The following DCHS1 variants were observed in gnomAD, a reference collection of about 807,000 sequenced individuals.
The protein encoded by DCHS1 is dachsous cadherin-related 1.
DCHS1 carries 78 observed loss-of-function variants against 213.9 expected under a neutral mutation model. That is an observed-to-expected ratio of 0.36 (90% CI 0.30 to 0.44). DCHS1 has a LOEUF of 0.44. Ranked by LOEUF, DCHS1 falls within the 20% of genes least tolerant of loss-of-function variation. The pLI, the probability that DCHS1 is intolerant of heterozygous loss-of-function variation, is 1.00. For missense variants in DCHS1, 3,946 were observed against 4,395.9 expected, an observed-to-expected ratio of 0.90 and a Z score of 2.89; for synonymous variants, 1,828 against 1,873.7, an observed-to-expected ratio of 0.98 and a Z score of 0.63.
rs1856303174 is a variant in DCHS1, at chr11:6,655,537, C to T, written c.-121+26G>A. ...GGCGGGCAGGGCGGGCGCGGCCAGA[C>T]GGGCCGGGCGGGCGCGGGCACTGAC... On this transcript the variant is annotated intron_variant, in intron 1 of 20. Coordinates refer to ENST00000299441, the MANE Select transcript of DCHS1 (RefSeq NM_003737.4). 9.2e-6 allele frequency: 9 copies of T among 980,278 alleles called. No individual in the cohort carries two copies. The South Asian group carries it at 3.3e-4, about 36-fold the overall frequency. The allele number at this position is 980,278 out of a possible 1,614,324, so 60.7% of individuals were successfully genotyped here. A position where few individuals can be genotyped will look rare whatever the true frequency, so the allele number is the denominator to read the frequency against.
rs760344532 is a variant in DCHS1 at position 6,633,655 on chromosome 11, G to A, written c.2219-7C>T. On this transcript the variant is annotated splice_polypyrimidine_tract_variant and splice_region_variant and intron_variant, in intron 4 of 20. Coordinates refer to ENST00000299441, the MANE Select transcript of DCHS1 (RefSeq NM_003737.4). The stretch of plus-strand genomic sequence containing the variant: ...CAGGCTACTGTCAACAGCCCTGAGA[G>A]GAAGAATAGAAGCAGAGATATATAA... 2.5e-6 allele frequency: 4 copies of A among 1,604,894 alleles called. No homozygotes were observed. Among genetic ancestry groups the A allele is most frequent in the South Asian group, 1.1e-5 (1 of 90,138 alleles).
In DCHS1 at chr11:6,622,413, G is replaced by A. The variant is rs746573455; in HGVS notation, c.9263C>T (p.Thr3088Ile). Residue 3088 changes from threonine to isoleucine, a missense_variant, in exon 21 of 21, where the codon ACC (threonine) becomes ATC (isoleucine). Around this residue, in one of 3 missense-constraint regions of DCHS1, gnomAD observed 554 missense variants for 590.2 expected, o/e 0.94. Transcript: ENST00000299441. The surrounding 1 kb of genome is among the most constrained non-coding windows in gnomAD (Gnocchi z 5.4). The part of the protein sequence containing the change: ...DTSCEPPAPD[T>I]WYKGRKAGLL... Reference sequence around the variant, plus strand: ...CCCTGCCTTTCGGCCCTTATACCAGGTGTCAGGGGCAGGTGGTTCGCAGGA... The same window carrying A: ...CCCTGCCTTTCGGCCCTTATACCAGATGTCAGGGGCAGGTGGTTCGCAGGA... 2.4e-5 allele frequency: 38 copies of A among 1,556,234 alleles called. No homozygotes were observed. Among genetic ancestry groups the A allele is most frequent in the Non-Finnish European group, 3.1e-5 (36 of 1,148,968 alleles).
Position 6,623,216 on chromosome 11 carries a change from G to C in DCHS1, c.8460C>G (p.Phe2820Leu). The change falls in exon 21 of 21, where the codon TTC (phenylalanine) becomes TTG (leucine). Residue 2820 changes from phenylalanine (F) to leucine (L), a missense_variant. Physicochemically the swap from Phe to Leu is conservative, Grantham distance 22. Coordinates refer to ENST00000299441, the MANE Select transcript of DCHS1 (RefSeq NM_003737.4). Reference sequence around the variant, plus strand: ...CACGCCGGGCACCTTCGGGCACTTGGAAGTGGAAAGCTGGTGCCAGAAATA... The same window carrying C: ...CACGCCGGGCACCTTCGGGCACTTGCAAGTGGAAAGCTGGTGCCAGAAATA... ...DPVFLAPAFH[F>L]QVPEGARRGH... 1 of 1,598,216 alleles carries C rather than the reference G, an allele frequency of 6.3e-7. No homozygotes were observed. Among genetic ancestry groups the C allele is most frequent in the South Asian group, 1.1e-5 (1 of 88,458 alleles).
chr11:6,655,351 C>G (rs1173965779), intron 1 of DCHS1, among the ~76,000 whole-genome samples: 2 of 151,960 alleles, frequency 1.3e-5, no homozygotes, highest in Non-Finnish European at 2.9e-5. Context: ...CCACCCTCCC[C>G]GACTCGATGA....
chr11:6,631,611 C>T lies in DCHS1; in HGVS notation c.3675+5G>A. The T allele has an allele frequency of 6.4e-7, 1 of 1,568,368 alleles. No homozygotes were observed. The highest frequency in any genetic ancestry group is 8.6e-7 in the Non-Finnish European group (1 of 1,156,494). Reference sequence around the variant, plus strand: ...CTCAGGACAAAGTCCTGCCACTTCACATACCTGTATAGGGAGGCCCCCACC... The same window carrying T: ...CTCAGGACAAAGTCCTGCCACTTCATATACCTGTATAGGGAGGCCCCCACC... On this transcript the variant is annotated splice_donor_5th_base_variant and intron_variant, in intron 7 of 20. Transcript: ENST00000299441.
chr11:6,622,781 G>A lies in DCHS1; in HGVS notation c.8895C>T (p.Ser2965=), dbSNP rs1413726480. The change falls in exon 21 of 21, where the codon AGC becomes AGT. Residue 2965 remains serine, a synonymous_variant. Transcript: ENST00000299441. This position sits in a 1 kb window ranked among gnomAD's most constrained non-coding sequence, Gnocchi z 5.4. The part of the protein sequence containing the change: ...ALVLGLVRAR[S]RKAEAAPGPM... ...GGCCAGGGGCTGCCTCAGCCTTGCGGCTACGGGCCCGAACAAGTCCTAGGA... is the reference window on the plus strand; with the variant it reads ...GGCCAGGGGCTGCCTCAGCCTTGCGACTACGGGCCCGAACAAGTCCTAGGA... 44 of 1,593,150 alleles carry A rather than the reference G, an allele frequency of 2.8e-5. No homozygotes were observed. Among genetic ancestry groups the A allele is most frequent in the Non-Finnish European group, 3.7e-5 (43 of 1,170,152 alleles).
At chr11:6,649,004 A>C (rs1287464563) in intron 1 of DCHS1, among the ~76,000 whole-genome samples, 2 of 152,098 alleles carry the variant, frequency 1.3e-5, no homozygotes, top group Non-Finnish European at 2.9e-5. Flanking sequence ...TAAAGTGCTT[A>C]CCTTAAATGG....
Position 6,631,108 on chromosome 11 carries a change from C to G in DCHS1, c.3875G>C (p.Ser1292Thr). Residue 1292 changes from serine to threonine, a missense_variant, in exon 9 of 21, where the codon AGT (serine) becomes ACT (threonine). Physicochemically the swap from Ser to Thr is moderately conservative, Grantham distance 58 (BLOSUM62 1). This residue lies in a region of DCHS1 where 3,384 missense variants were observed against 3,780.1 expected (regional missense o/e 0.90). Transcript: ENST00000299441. ...AERPHYVLTL[S>T]AHDQGSPPRS... Reference sequence around the variant, plus strand: ...AGGAGGGCTGCCTTGGTCATGAGCACTCAGTGTCAGCACATAGTGGGGCCG... The same window carrying G: ...AGGAGGGCTGCCTTGGTCATGAGCAGTCAGTGTCAGCACATAGTGGGGCCG... 6.2e-7 allele frequency: 1 copy of G among 1,613,414 alleles called. No homozygotes were observed. Among genetic ancestry groups the G allele is most frequent in the Non-Finnish European group, 8.5e-7 (1 of 1,179,546 alleles).
Position 6,624,836 on chromosome 11 carries a change from A to G in DCHS1, c.7179T>C (p.Ser2393=), listed in dbSNP as rs1855766916. The change falls in exon 20 of 21, where the codon AGT becomes AGC. Residue 2393 remains serine (S), a synonymous_variant. Coordinates refer to ENST00000299441, the MANE Select transcript of DCHS1 (RefSeq NM_003737.4). ...VMLLEHTPPG[S]AILSVSATDR... ...CAGTGGCAGAGACGGAGAGAATGGCACTGCCTGGGGGTGTGTGCTCAAGCA... is the reference window on the plus strand; with the variant it reads ...CAGTGGCAGAGACGGAGAGAATGGCGCTGCCTGGGGGTGTGTGCTCAAGCA... 6.2e-7 allele frequency: 1 copy of G among 1,613,738 alleles called. No individual in the cohort carries two copies. The highest frequency in any genetic ancestry group is 8.5e-7 in the Non-Finnish European group (1 of 1,179,858).
Position 6,621,842 on chromosome 11 carries a change from T to C in DCHS1, c.9834A>G (p.Ser3278=), listed in dbSNP as rs201436786. 5.0e-4 allele frequency: 813 copies of C among 1,610,344 alleles called. No individual in the cohort carries two copies. The highest frequency in any genetic ancestry group is 6.6e-4 in the Non-Finnish European group (776 of 1,178,504). Residue 3278 remains serine, a synonymous_variant, in exon 21 of 21, where the codon TCA becomes TCG. Coordinates refer to ENST00000299441, the MANE Select transcript of DCHS1 (RefSeq NM_003737.4). ...VSPFGVAQGP[S]ASALSAESGL... ...CAGACTCTGCGCTGAGTGCTGAGGC[T>C]GAGGGACCCTGGGCCACCCCAAATG... is the stretch of plus-strand genomic sequence containing the variant.
Position 6,625,991 on chromosome 11 carries a change from G to T in DCHS1, c.6660C>A (p.Phe2220Leu). The T allele has an allele frequency of 1.2e-6, 2 of 1,613,456 alleles. No homozygotes were observed. Among genetic ancestry groups the T allele is most frequent in the South Asian group, 1.1e-5 (1 of 90,900 alleles). The change falls in exon 17 of 21, where the codon TTC becomes TTA. Residue 2220 changes from phenylalanine to leucine, a missense_variant. Phe to Leu is a conservative substitution (Grantham distance 22). Around this residue, in one of 3 missense-constraint regions of DCHS1, gnomAD observed 3,384 missense variants for 3,780.1 expected, o/e 0.90. Transcript: ENST00000299441. The surrounding 1 kb of genome is among the most constrained non-coding windows in gnomAD (Gnocchi z 5.3). Reference protein sequence around the residue: ...LAASQPARGLFHVDPTTGTIT... With the variant: ...LAASQPARGLLHVDPTTGTIT... ...TAGTGCCTGTGGTTGGGTCTACGTG[G>T]AACAATCCACGTGCCGGCTGGGATG...
chr11:6,639,707 C>T (rs1415016132), intron 2 of DCHS1, 110 bp downstream of exon 2: 4 of 930,532 alleles, frequency 4.3e-6, no homozygotes, highest in Non-Finnish European at 6.4e-6. Flanking sequence ...AACCCTCTAG[C>T]ATAAGTCACC....
rs771482735 is a variant in DCHS1 at position 6,631,182 on chromosome 11, G to A, written c.3801C>T (p.His1267=). ...CAGTGAGCAGCTCCCCTGAGTGAGG[G>A]TGCAGAGAGAAAAGCTCTGAGCCAG... ...TGPGSELFSL[H]PHSGELLTAA... is the part of the protein sequence containing the mutation. Residue 1267 remains histidine (H), a synonymous_variant, in exon 9 of 21, where the codon CAC becomes CAT. Coordinates refer to ENST00000299441, the MANE Select transcript of DCHS1 (RefSeq NM_003737.4). 1 of 1,611,658 alleles carries A rather than the reference G, an allele frequency of 6.2e-7. No homozygotes were observed. The highest frequency in any genetic ancestry group is 1.1e-5 in the South Asian group (1 of 91,024).
rs1855768101 is a variant in DCHS1, at chr11:6,624,871, G to A, written c.7147-3C>T. On this transcript the variant is annotated splice_polypyrimidine_tract_variant and splice_region_variant and intron_variant, in intron 19 of 20. Coordinates refer to ENST00000299441, the MANE Select transcript of DCHS1 (RefSeq NM_003737.4). ...GGTGTGTGCTCAAGCAGCATTACCT[G>A]AAGTGTGAGGAAAAGTGCTTATTGC... 1.9e-6 allele frequency: 3 copies of A among 1,613,612 alleles called. No individual in the cohort carries two copies. The highest frequency in any genetic ancestry group is 3.3e-5 in the Admixed American group (2 of 59,976).
chr11:6,646,968 A>G (rs1022139584), intron 1 of DCHS1, among the ~76,000 whole-genome samples: 2 of 152,048 alleles, frequency 1.3e-5, no homozygotes, highest in African/African-American at 4.8e-5. Flanking sequence ...GAGGAAGTAG[A>G]GGAGTGGCCC....
In DCHS1 at chr11:6,631,756, G is replaced by A. The variant is rs1380302527; in HGVS notation, c.3535C>T (p.Leu1179Phe). ...CCTCCATCCTGCACCTGCACCAGGA[G>A]CTGATAGCTGCTCTGCTGCTCACGG... ...LDREQQSSYQ[L>F]LVQVQDGGSP... Residue 1179 changes from leucine (L) to phenylalanine (F), a missense_variant, in exon 7 of 21, where the codon CTC becomes TTC. Leu to Phe is a conservative substitution (Grantham distance 22, BLOSUM62 0). Coordinates refer to ENST00000299441, the MANE Select transcript of DCHS1 (RefSeq NM_003737.4). 2 of 1,598,082 alleles carry A rather than the reference G, an allele frequency of 1.3e-6. No homozygotes were observed. The highest frequency in any genetic ancestry group is 1.7e-6 in the Non-Finnish European group (2 of 1,172,380).
rs761954725 is a variant in DCHS1, at chr11:6,641,113, A to G, written c.501T>C (p.Ala167=). Residue 167 remains alanine, a synonymous_variant, in exon 2 of 21, where the codon GCT becomes GCC. Transcript: ENST00000299441. The surrounding 1 kb of genome is among the most constrained non-coding windows in gnomAD (Gnocchi z 7.1). Reference sequence around the variant, plus strand: ...CCAGACGCCCAGCATCTGCATCACGAGCAGGCTCCAGTGGGTAGCGGGTGC... The same window carrying G: ...CCAGACGCCCAGCATCTGCATCACGGGCAGGCTCCAGTGGGTAGCGGGTGC... The part of the protein sequence containing the change: ...AFGTRYPLEP[A]RDADAGRLGT... The G allele has an allele frequency of 6.2e-6, 10 of 1,613,776 alleles. No homozygotes were observed. The highest frequency in any genetic ancestry group is 8.5e-6 in the Non-Finnish European group (10 of 1,179,904).
intron 2 of DCHS1, among the ~76,000 whole-genome samples, chr11:6,639,474 T>C (rs1856033241): frequency 6.6e-6 from 1 of 152,132 alleles, no homozygotes. Context: ...GGTGTCTTCT[T>C]TGGGGAACAG....
chr11:6,638,759 T>G (rs1455955484), intron 2 of DCHS1, among the ~76,000 whole-genome samples: 1 of 152,130 alleles, frequency 6.6e-6, no homozygotes, highest in Non-Finnish European at 1.5e-5. Flanking sequence ...AGTAGTTAAA[T>G]AAAATCTTGA....
Sources: allele counts gnomAD v4.1 joint callset (sites outside exome capture counted in the v4.1 genomes callset), GRCh38; gene constraint gnomAD v4.1.1; regional missense constraint gnomAD v4.1.1; non-coding constraint Gnocchi (gnomAD v3.1); transcripts MANE v1.5; gene names NCBI Gene and HGNC (gene_info 2026-07-23, HGNC 2026-07-21).